The following ZSCAN25 variants were observed in gnomAD, a reference collection of about 807,000 sequenced individuals.
The protein encoded by ZSCAN25 is zinc finger and SCAN domain containing 25.
ZSCAN25 carries 27 observed loss-of-function variants against 38.7 expected under a neutral mutation model. The ratio of observed to expected loss-of-function variants is 0.70; its 90% CI spans 0.51 to 0.96. The LOEUF (loss-of-function observed/expected upper bound fraction) is 0.96, where lower values mean the gene tolerates loss of function less well. Among genes scored for constraint, ZSCAN25 ranks in the 40% least tolerant of loss-of-function variants. The pLI is 0.00. For synonymous variants in ZSCAN25, 273 were observed against 277.7 expected, an observed-to-expected ratio of 0.98 and a Z score of 0.17; for missense variants, 637 against 705.9, an observed-to-expected ratio of 0.90 and a Z score of 1.11.
the ZSCAN25 span, among the ~76,000 whole-genome samples, chr7:99,683,401 T>C: frequency 6.6e-6 from 1 of 152,228 alleles, no homozygotes; most frequent in East Asian, 1.9e-4. Flanking sequence ...CCTCTTGTTA[T>C]CTTTTTATCA....
At chr7:99,704,599 C>T in the ZSCAN25 span, among the ~76,000 whole-genome samples, 1 of 151,574 alleles carries the variant, frequency 6.6e-6, no homozygotes, top group Admixed American at 6.6e-5. Flanking sequence ...TCAAAAATGT[C>T]ATAATTAAAC....
At chr7:99,633,576 G>T (rs1294496459), downstream of ZSCAN25, among the ~76,000 whole-genome samples, 3 of 152,004 alleles carry the variant, frequency 2.0e-5, no homozygotes, top group East Asian at 1.9e-4. Flanking sequence ...GCTTTTATTG[G>T]TTTTTTTGAG....
chr7:99,715,807 G>T, the ZSCAN25 span: 1 of 1,613,884 alleles, frequency 6.2e-7, no homozygotes. Flanking sequence ...AAAGCTTCTT[G>T]GTGTTTTCCA....
chr7:99,730,851 G>A, the ZSCAN25 span: 346 of 572,128 alleles, frequency 6.0e-4, no homozygotes, highest in Middle Eastern at 9.6e-4. Flanking sequence ...TGACATTTGG[G>A]CTGTCCAACT....
chr7:99,689,177 C>A, the ZSCAN25 span, among the ~76,000 whole-genome samples: 1 of 152,076 alleles, frequency 6.6e-6, no homozygotes, highest in African/African-American at 2.4e-5. Context: ...CAGAGCAGAA[C>A]TGAAGGAAAT....
At position 99,619,708 on chromosome 7, in the gene ZSCAN25, G is replaced by A; in HGVS notation, c.102G>A (p.Glu34=). 2 of 1,614,276 alleles carry A rather than the reference G, an allele frequency of 1.2e-6. No individual in the cohort carries two copies. Among genetic ancestry groups the A allele is most frequent in the South Asian group, 2.2e-5 (2 of 91,092 alleles). The change falls in exon 4 of 8, where the codon GAG becomes GAA. Residue 34 remains glutamate (E), a synonymous_variant. Transcript: ENST00000394152. ...AGTTGCCATGGGGCAGAGGAAGGGA[G>A]GACCCTAGTCCAGAGACTTTTCGGC... ...EKELPWGRGR[E]DPSPETFRLR...
At chr7:99,654,613 G>A in the ZSCAN25 span, among the ~76,000 whole-genome samples, 1 of 152,092 alleles carries the variant, frequency 6.6e-6, no homozygotes, top group Non-Finnish European at 1.5e-5. Context: ...GGGATGGCTG[G>A]GTCAAATGGT....
Position 99,632,262 on chromosome 7 carries a change from A to G in ZSCAN25, c.*2242A>G, listed in dbSNP as rs1050181142. 57 of 982,548 alleles carry G rather than the reference A, an allele frequency of 5.8e-5. No individual in the cohort carries two copies. The East Asian group carries it at 8.0e-4, about 14-fold the overall frequency. The allele number at this position is 982,548 out of a possible 1,614,324, so 60.9% of individuals were successfully genotyped here. ...TGGGATTGTGGTAGTCTGATTTTTC[A>G]TATCTATTCAAATGTTAAGAAATAT... On this transcript the variant is annotated 3_prime_UTR_variant, in exon 8 of 8. Transcript: ENST00000394152.
At position 99,631,019 on chromosome 7, in the gene ZSCAN25, T is replaced by C; in HGVS notation, c.*999T>C. ...ATTTATTGAGGCCCTGTAACAAACA[T>C]GTCAGGAACTCTTCTGGGTGCTTGA... On this transcript the variant is annotated 3_prime_UTR_variant, in exon 8 of 8. Coordinates refer to ENST00000394152, the MANE Select transcript of ZSCAN25 (RefSeq NM_145115.3). The C allele has an allele frequency of 6.3e-6, 6 of 957,816 alleles. No individual in the cohort carries two copies. Among genetic ancestry groups the C allele is most frequent in the Non-Finnish European group, 7.5e-6 (6 of 804,966 alleles). The allele number at this position is 957,816 out of a possible 1,614,324, so 59.3% of individuals were successfully genotyped here. A position where few individuals can be genotyped will look rare whatever the true frequency, so the allele number is the denominator to read the frequency against.
At position 99,624,193 on chromosome 7, in the gene ZSCAN25, C is replaced by G. The variant is rs775516623; in HGVS notation, c.805+13C>G. The G allele has an allele frequency of 2.4e-5, 38 of 1,613,262 alleles. 1 individual carries two copies. The South Asian group carries it at 3.8e-4, about 16-fold the overall frequency. Reference sequence around the variant, plus strand: ...AGGGTCTCTCCAGGTAAGACTGTCTCCACCCACAGGTGAGGAACTGGGGAG... The same window carrying G: ...AGGGTCTCTCCAGGTAAGACTGTCTGCACCCACAGGTGAGGAACTGGGGAG... On this transcript the variant is annotated intron_variant, in intron 7 of 7. Transcript: ENST00000394152.
downstream of ZSCAN25, among the ~76,000 whole-genome samples, chr7:99,634,529 C>T (rs973701568): frequency 1.3e-5 from 2 of 152,176 alleles, no homozygotes; most frequent in African/African-American, 4.8e-5. Context: ...GTGGCTCACG[C>T]CTGTAATCCC....
At position 99,629,810 on chromosome 7, in the gene ZSCAN25, G is replaced by T. The variant is rs751913432; in HGVS notation, c.1425G>T (p.Val475=). The T allele has an allele frequency of 5.0e-6, 8 of 1,614,118 alleles. No individual in the cohort carries two copies. The African/African-American group carries it at 9.3e-5, about 19-fold the overall frequency. ...TCAGCAGGAATGCCAATCTGGCGGTGCACCGGCGTGCCCACACTGGCGAGA... is the reference window on the plus strand; with the variant it reads ...TCAGCAGGAATGCCAATCTGGCGGTTCACCGGCGTGCCCACACTGGCGAGA... ...KSFSRNANLA[V]HRRAHTGEKP... is the part of the protein sequence containing the mutation. Residue 475 remains valine (V), a synonymous_variant, in exon 8 of 8, where the codon GTG becomes GTT. Coordinates refer to ENST00000394152, the MANE Select transcript of ZSCAN25 (RefSeq NM_145115.3). This position sits in a 1 kb window ranked among gnomAD's most constrained non-coding sequence, Gnocchi z 5.6.
the ZSCAN25 span, chr7:99,652,485 T>G: frequency 5.0e-5 from 50 of 999,556 alleles, no homozygotes; most frequent in Non-Finnish European, 6.8e-5. Context: ...TCATGTAGAT[T>G]AAGAGAGGCA....
At chr7:99,664,047 A>G in the ZSCAN25 span, 2 of 1,599,810 alleles carry the variant, frequency 1.3e-6, no homozygotes, top group African/African-American at 1.4e-5. Flanking sequence ...TTTTGGAAAC[A>G]GAGAGACATT....
At chr7:99,727,173 A>G in the ZSCAN25 span, among the ~76,000 whole-genome samples, 115,895 of 152,086 alleles carry the variant, frequency 0.76, 47,119 homozygotes, top group Non-Finnish European at 0.91. Context: ...ACACACAGCC[A>G]AAGTGCAGGG....
the ZSCAN25 span, among the ~76,000 whole-genome samples, chr7:99,664,831 A>C: frequency 6.6e-6 from 1 of 152,232 alleles, no homozygotes; most frequent in Non-Finnish European, 1.5e-5. Flanking sequence ...GACTAAAATA[A>C]ACTCATGAAA....
chr7:99,704,658 TCAC>T, the ZSCAN25 span, among the ~76,000 whole-genome samples: 1 of 151,906 alleles, frequency 6.6e-6, no homozygotes. Flanking sequence ...GGGTTAACTC[TCAC>T]CTATGTTAAT....
At chr7:99,656,514 T>C in the ZSCAN25 span, among the ~76,000 whole-genome samples, 1 of 152,230 alleles carries the variant, frequency 6.6e-6, no homozygotes, top group African/African-American at 2.4e-5. Context: ...TGTATCACTG[T>C]TCATCAGGGA....
the ZSCAN25 span, among the ~76,000 whole-genome samples, chr7:99,696,230 G>T: frequency 1.9e-5 from 2 of 106,116 alleles, no homozygotes; most frequent in Non-Finnish European, 4.5e-5. Context: ...TAGGCAGAAA[G>T]GGTGACTTTT....
Sources: allele counts gnomAD v4.1 joint callset (sites outside exome capture counted in the v4.1 genomes callset), GRCh38; gene constraint gnomAD v4.1.1; non-coding constraint Gnocchi (gnomAD v3.1); transcripts MANE v1.5; gene names NCBI Gene and HGNC (gene_info 2026-07-23, HGNC 2026-07-21).